Variants in SGCE observed in about 807,000 individuals in gnomAD.
SGCE encodes the protein epsilon-sarcoglycan.
Under a neutral mutation model 57.8 loss-of-function variants are expected in SGCE, and 26 were observed. The ratio of observed to expected loss-of-function variants is 0.45; its 90% CI spans 0.33 to 0.62. SGCE has a LOEUF of 0.62. Ranked by LOEUF, SGCE falls within the 20% of genes least tolerant of loss-of-function variation. The pLI is 0.02. For synonymous variants in SGCE, 183 were observed against 189.5 expected, an observed-to-expected ratio of 0.97 and a Z score of 0.28; for missense variants, 468 against 548.6, an observed-to-expected ratio of 0.85 and a Z score of 1.47.
chr7:94,587,041 G>T, intron 10 of SGCE: 1 of 984,484 alleles, frequency 1.0e-6, no homozygotes, highest in Non-Finnish European at 1.2e-6. Flanking sequence ...AACTAAAAAG[G>T]AGAGCAAAGC....
At chr7:94,586,164 C>T (rs537346506) in intron 10 of SGCE, among the ~76,000 whole-genome samples, 13 of 147,718 alleles carry the variant, frequency 8.8e-5, no homozygotes, top group African/African-American at 2.5e-4. Flanking sequence ...GTATCCAAGA[C>T]GCAAACTCTT....
intron 9 of SGCE, chr7:94,594,573 A>G (rs1243599652): frequency 6.6e-6 from 1 of 152,092 alleles, no homozygotes; most frequent in Non-Finnish European, 1.5e-5. Context: ...ACATTAGTGG[A>G]AAAACGAATG....
chr7:94,619,265 A>G (rs1584640970), intron 4 of SGCE: 1 of 240,572 alleles, frequency 4.2e-6, no homozygotes, highest in East Asian at 1.0e-4. Flanking sequence ...AATTTATAAT[A>G]TTACTGATCT....
chr7:94,622,953 A>AT lies in SGCE; in HGVS notation c.463+371dup, dbSNP rs536838160. Among the ~76,000 whole-genome samples the AT allele has an allele frequency of 8.8e-4, 134 of 151,976 alleles. 2 individuals carry two copies. The Middle Eastern group carries it at 0.01, about 12-fold the overall frequency. On this transcript the variant is annotated intron_variant, in intron 4 of 10. Coordinates refer to ENST00000648936, the MANE Select transcript of SGCE (RefSeq NM_003919.3). ...AAAATAATAAAACTAGTTAGTAATT[A>AT]TTTTTTTTGAGACAGGCTCTCACCC...
At chr7:94,586,875 G>A (rs1221628282) in intron 10 of SGCE, 1 of 984,944 alleles carries the variant, frequency 1.0e-6, no homozygotes, top group Non-Finnish European at 1.2e-6. Flanking sequence ...ATGCTAGGGT[G>A]GTCTCTCTCC....
chr7:94,589,242 G>A (rs778805433), intron 9 of SGCE: 9 of 166,062 alleles, frequency 5.4e-5, no homozygotes, highest in Non-Finnish European at 7.9e-5. Context: ...ATGCATTGGC[G>A]GAATGCAGAA....
intron 1 of SGCE, among the ~76,000 whole-genome samples, chr7:94,636,219 T>C (rs1805574540): frequency 6.6e-6 from 1 of 152,228 alleles, no homozygotes; most frequent in Non-Finnish European, 1.5e-5. Flanking sequence ...CGGAAAAAGG[T>C]TGCAAACCAT....
intron 1 of SGCE, among the ~76,000 whole-genome samples, chr7:94,644,325 T>TC (rs1397635976): frequency 6.6e-6 from 1 of 152,198 alleles, no homozygotes; most frequent in Non-Finnish European, 1.5e-5. Flanking sequence ...CATGATTCAT[T>TC]TTGAGTCTTG....
At chr7:94,614,612 C>T (rs955842087) in intron 5 of SGCE, among the ~76,000 whole-genome samples, 1 of 152,124 alleles carries the variant, frequency 6.6e-6, no homozygotes, top group Admixed American at 6.6e-5. Context: ...TCTCAGCAGG[C>T]TAATTTGTAC....
At chr7:94,587,906 C>T (rs1797118759) in intron 10 of SGCE, 2 of 1,476,910 alleles carry the variant, frequency 1.4e-6, no homozygotes, top group Non-Finnish European at 9.0e-7. Flanking sequence ...AAGAGACTTA[C>T]TTAATAGTTT....
At chr7:94,637,000 A>C (rs1805679670) in intron 1 of SGCE, among the ~76,000 whole-genome samples, 1 of 151,436 alleles carries the variant, frequency 6.6e-6, no homozygotes, top group Non-Finnish European at 1.5e-5. Context: ...AGGAAGTTGC[A>C]GTGAGCTGAG....
At chr7:94,623,544 G>A in intron 3 of SGCE, 147 bp from the exon 4 acceptor site, 1 of 620,262 alleles carries the variant, frequency 1.6e-6, no homozygotes, top group Non-Finnish European at 2.9e-6. Context: ...TCTGGGCAAT[G>A]AGAACTCAGA....
At chr7:94,623,453 T>A (rs1028106359) in intron 3 of SGCE, 56 bp from the exon 4 acceptor site, 3 of 1,083,126 alleles carry the variant, frequency 2.8e-6, no homozygotes, top group Non-Finnish European at 4.2e-6. Context: ...TAAAATGAAA[T>A]TCATTAAGGA....
chr7:94,644,591 G>GATT, intron 1 of SGCE: 1 of 1,220,194 alleles, frequency 8.2e-7, no homozygotes, highest in Non-Finnish European at 1.1e-6. Context: ...AATTTAATCT[G>GATT]ATTATCATAC....
chr7:94,608,104 C>T (rs1050303964), intron 5 of SGCE, among the ~76,000 whole-genome samples: 12 of 152,074 alleles, frequency 7.9e-5, no homozygotes, highest in African/African-American at 2.7e-4. Flanking sequence ...AGCAGTTTTG[C>T]AGGCCGAGGC....
chr7:94,591,056 C>T (rs539327214), intron 9 of SGCE, among the ~76,000 whole-genome samples: 4 of 152,188 alleles, frequency 2.6e-5, no homozygotes, highest in East Asian at 1.9e-4. Flanking sequence ...CGATTATATT[C>T]GTTTTTATTG....
chr7:94,623,429 T>C, intron 3 of SGCE, 32 bp from the exon 4 acceptor site: 1 of 1,319,246 alleles, frequency 7.6e-7, no homozygotes, highest in Non-Finnish European at 1.1e-6. Flanking sequence ...ATTAAAGAAG[T>C]GAAATGTTCT....
rs185391000 is a variant in SGCE, at chr7:94,632,834, T to C, written c.110-2993A>G. Among the ~76,000 whole-genome samples the C allele has an allele frequency of 2.6e-5, 4 of 152,158 alleles. No homozygotes were observed. In the East Asian group the frequency reaches 5.8e-4, roughly 22 times the overall value. Reference sequence around the variant, plus strand: ...AAATGACACAGAGAATTCGAAGCTATAGGTTCTTGTTCTAAACGTGAGCTA... The same window carrying C: ...AAATGACACAGAGAATTCGAAGCTACAGGTTCTTGTTCTAAACGTGAGCTA... On this transcript the variant is annotated intron_variant, in intron 1 of 10. Transcript: ENST00000648936.
At chr7:94,589,597 T>C (rs1797382418) in intron 9 of SGCE, 1 of 152,458 alleles carries the variant, frequency 6.6e-6, no homozygotes, top group African/African-American at 2.4e-5. Flanking sequence ...TCCCCATCAC[T>C]TGCATTACCA....
Sources: gnomAD v4.1 joint callset for allele counts (sites outside exome capture counted in the v4.1 genomes callset) on GRCh38, gnomAD v4.1.1 for gene constraint, MANE v1.5 for transcripts, NCBI Gene and HGNC (gene_info 2026-07-23, HGNC 2026-07-21) for gene names.